The following CELF2 variants were observed in gnomAD, a reference collection of about 807,000 sequenced individuals.
The protein encoded by CELF2 is CUGBP Elav-like family member 2, also known as CUG triplet repeat RNA-binding protein 2.
Under a neutral mutation model 62.6 loss-of-function variants are expected in CELF2, and 8 were observed. The ratio of observed to expected loss-of-function variants is 0.13; its 90% CI spans 0.07 to 0.23. The LOEUF (loss-of-function observed/expected upper bound fraction) is 0.23. CELF2 is among the 10% of genes least tolerant of loss of function. The pLI, the probability that CELF2 is intolerant of heterozygous loss-of-function variation, is 1.00. For missense variants in CELF2, 333 were observed against 671.0 expected, an observed-to-expected ratio of 0.50 and a Z score of 5.56; for synonymous variants, 258 against 250.0, an observed-to-expected ratio of 1.03 and a Z score of -0.30.
At chr10:10,883,177 A>G (rs1240297911) in intron 1 of CELF2, among the ~76,000 whole-genome samples, 1 of 152,254 alleles carries the variant, frequency 6.6e-6, no homozygotes, top group Non-Finnish European at 1.5e-5. Context: ...ACTTTTCAAG[A>G]GAAATATCTT....
rs577860546 is a variant in CELF2, at chr10:11,145,888, A to G, written c.75-19598A>G. 6.6e-6 allele frequency among the ~76,000 whole-genome samples: 1 copy of G among 152,132 alleles called. No homozygotes were observed. Among genetic ancestry groups the G allele is most frequent in the East Asian group, 1.9e-4 (1 of 5,188 alleles). On this transcript the variant is annotated intron_variant, in intron 1 of 12. Coordinates refer to ENST00000633077, the MANE Select transcript of CELF2 (RefSeq NM_001326342.2). The surrounding 1 kb of genome is among the most constrained non-coding windows in gnomAD (Gnocchi z 4.3). ...TACGTTGTTTACATTTTATGAGAGA[A>G]TTATTCCTTATGTATACTTTTTTCT...
chr10:10,653,319 G>T, the CELF2 span, among the ~76,000 whole-genome samples: 1 of 149,842 alleles, frequency 6.7e-6, no homozygotes, highest in Non-Finnish European at 1.5e-5. Flanking sequence ...GAGACAGAAA[G>T]TCAACAAGGA....
chr10:11,246,455 C>A lies in CELF2; in HGVS notation c.355-2698C>A, dbSNP rs2765974. ...AAAATAGAAGAAGCCCTCATTCACC[C>A]TATCTACTGTTACCCTCCTCCTTTC... is the stretch of plus-strand genomic sequence containing the variant. On this transcript the variant is annotated intron_variant, in intron 3 of 12. Coordinates refer to ENST00000633077, the MANE Select transcript of CELF2 (RefSeq NM_001326342.2). The surrounding 1 kb of genome is among the most constrained non-coding windows in gnomAD (Gnocchi z 4.6). Among the ~76,000 whole-genome samples the A allele has an allele frequency of 0.65, 99,216 of 152,058 alleles. 32,889 individuals are homozygous for A. Among genetic ancestry groups the A allele is most frequent in the East Asian group, 0.9 (4,620 of 5,148 alleles).
the CELF2 span, among the ~76,000 whole-genome samples, chr10:10,726,215 T>A: frequency 3.3e-5 from 5 of 152,168 alleles, no homozygotes; most frequent in Admixed American, 6.5e-5. Flanking sequence ...ATTCAGAATT[T>A]ACTCCATGCC....
intron 1 of CELF2, among the ~76,000 whole-genome samples, chr10:11,150,624 C>T (rs1275155206): frequency 6.6e-6 from 1 of 152,250 alleles, no homozygotes; most frequent in Non-Finnish European, 1.5e-5. Context: ...CCTCTGTGTA[C>T]CCAAACCTCC....
chr10:11,171,953 A>T (rs1254747471), intron 2 of CELF2, among the ~76,000 whole-genome samples: 1 of 152,162 alleles, frequency 6.6e-6, no homozygotes, highest in Non-Finnish European at 1.5e-5. Flanking sequence ...CTTCCTAAAA[A>T]CATGTCCGAA....
At chr10:10,849,842 T>A (rs1365457744) in intron 1 of CELF2, among the ~76,000 whole-genome samples, 1 of 148,622 alleles carries the variant, frequency 6.7e-6, no homozygotes, top group African/African-American at 2.5e-5. Flanking sequence ...GCAATTGCTT[T>A]AAAAAAAAAA....
At chr10:11,184,735 G>A (rs758161896) in intron 2 of CELF2, among the ~76,000 whole-genome samples, 1 of 152,134 alleles carries the variant, frequency 6.6e-6, no homozygotes, top group Non-Finnish European at 1.5e-5. Context: ...TGATTTTTGT[G>A]TATTGATTAT....
At chr10:10,736,396 C>CTTTTTTTTTTTTTTTTTTTTTTT in the CELF2 span, among the ~76,000 whole-genome samples, 1 of 76,016 alleles carries the variant, frequency 1.3e-5, no homozygotes, top group African/African-American at 5.0e-5. Context: ...TTCTTTCTTT[C>CTTTTTTTTTTTTTTTTTTTTTTT]TTTTTTTTTT....
At chr10:10,669,646 C>T in the CELF2 span, among the ~76,000 whole-genome samples, 1 of 152,214 alleles carries the variant, frequency 6.6e-6, no homozygotes, top group African/African-American at 2.4e-5. Context: ...CATCTGCTAT[C>T]ACTCCTTAAA....
At chr10:11,123,714 C>T (rs2058181956) in intron 1 of CELF2, among the ~76,000 whole-genome samples, 2 of 152,182 alleles carry the variant, frequency 1.3e-5, no homozygotes, top group African/African-American at 2.4e-5. Context: ...GCGCAGTGGC[C>T]ATTACTTCTC....
chr10:10,813,907 C>T (rs1272357876), intron 1 of CELF2, among the ~76,000 whole-genome samples: 1 of 152,122 alleles, frequency 6.6e-6, no homozygotes, highest in Non-Finnish European at 1.5e-5. Flanking sequence ...ATCTGCTTCC[C>T]CCAGTACTGT....
In CELF2 at chr10:11,285,971, G is replaced by A. The variant is rs2091187584; in HGVS notation, c.842-2447G>A. Among the ~76,000 whole-genome samples the A allele has an allele frequency of 6.6e-6, 1 of 152,046 alleles. No homozygotes were observed. The highest frequency in any genetic ancestry group is 2.4e-5 in the African/African-American group (1 of 41,402). On this transcript the variant is annotated intron_variant, in intron 8 of 12. Coordinates refer to ENST00000633077, the MANE Select transcript of CELF2 (RefSeq NM_001326342.2). This position sits in a 1 kb window ranked among gnomAD's most constrained non-coding sequence, Gnocchi z 4.3. ...AGGGCAAGAAATACATATAAATAAT[G>A]TCAACATAGGGTATGATGAGAGCCA...
chr10:10,800,646 C>A (rs1367219249), intron 1 of CELF2, among the ~76,000 whole-genome samples: 3 of 152,198 alleles, frequency 2.0e-5, no homozygotes, highest in Non-Finnish European at 4.4e-5. Context: ...TTTGTACTAA[C>A]AACAACATAA....
intron 1 of CELF2, among the ~76,000 whole-genome samples, chr10:11,057,504 G>T (rs1229446618): frequency 6.6e-6 from 1 of 152,184 alleles, no homozygotes; most frequent in African/African-American, 2.4e-5. Flanking sequence ...ACTCACCATG[G>T]AACTCTCACA....
At chr10:11,263,538 G>A (rs2081330283) in intron 5 of CELF2, among the ~76,000 whole-genome samples, 1 of 152,186 alleles carries the variant, frequency 6.6e-6, no homozygotes, top group South Asian at 2.1e-4. Context: ...GTTAAGGGCT[G>A]ACCCTACAGG....
At chr10:10,563,607 CA>C in the CELF2 span, among the ~76,000 whole-genome samples, 19,550 of 86,932 alleles carry the variant, frequency 0.22, 1,506 homozygotes, top group African/African-American at 0.36. Flanking sequence ...GACTGTGTCT[CA>C]AAAAAAAAAA....
Position 11,332,905 on chromosome 10 carries a change from ACAC to A in CELF2, c.*3853_*3855del. On this transcript the variant is annotated 3_prime_UTR_variant, in exon 13 of 13. Transcript: ENST00000633077. ...TTCTGCAGCAATCAGCTTAATAACA[ACAC>A]TTATTGCACCTGTCTCTCTCTGAGA... The A allele has an allele frequency of 6.5e-6, 1 of 152,672 alleles. No individual in the cohort carries two copies. The highest frequency in any genetic ancestry group is 2.1e-4 in the South Asian group (1 of 4,818). The allele number at this position is 152,672 out of a possible 1,614,324, so 9.5% of individuals were successfully genotyped here. A position where few individuals can be genotyped will look rare whatever the true frequency, so the allele number is the denominator to read the frequency against.
At chr10:10,975,942 T>A (rs1290732131) in intron 2 of CELF2, among the ~76,000 whole-genome samples, 1 of 152,172 alleles carries the variant, frequency 6.6e-6, no homozygotes, top group East Asian at 1.9e-4. Context: ...ACATGCAAAT[T>A]AAGGGGTGGG....
Sources: allele counts gnomAD v4.1 joint callset (sites outside exome capture counted in the v4.1 genomes callset), GRCh38; gene constraint gnomAD v4.1.1; non-coding constraint Gnocchi (gnomAD v3.1); transcripts MANE v1.5; gene names NCBI Gene and HGNC (gene_info 2026-07-23, HGNC 2026-07-21).